The following MAGI1 variants were observed in gnomAD, a reference collection of about 807,000 sequenced individuals.
The protein encoded by MAGI1 is membrane associated guanylate kinase, WW and PDZ domain containing 1.
In MAGI1, 58 loss-of-function variants were observed where a neutral mutation model predicts 139.9. The observed-to-expected ratio is 0.41, with a 90% CI of 0.34 to 0.52. The LOEUF (loss-of-function observed/expected upper bound fraction) is 0.52, where lower values mean the gene tolerates loss of function less well. Among genes scored for constraint, MAGI1 ranks in the 20% least tolerant of loss-of-function variants. The pLI is 0.12. For missense variants in MAGI1, 1,874 were observed against 1,901.6 expected (o/e 0.99, Z 0.27); for synonymous variants, 812 against 737.9 (o/e 1.10, Z -1.63).
intron 1 of MAGI1, among the ~76,000 whole-genome samples, chr3:65,797,722 A>G (rs2040239907): frequency 6.6e-6 from 1 of 152,124 alleles, no homozygotes; most frequent in South Asian, 2.1e-4. Flanking sequence ...TCTCAAAAAA[A>G]AGAAAACAGA....
intron 1 of MAGI1, among the ~76,000 whole-genome samples, chr3:65,757,816 C>T (rs1281957776): frequency 6.6e-6 from 1 of 151,730 alleles, no homozygotes; most frequent in South Asian, 2.1e-4. Context: ...GTACTCATTT[C>T]TGCTTTCTCT....
chr3:65,891,937 T>C (rs1164013269), intron 1 of MAGI1, among the ~76,000 whole-genome samples: 5 of 96,676 alleles, frequency 5.2e-5, no homozygotes, highest in African/African-American at 1.9e-4. Flanking sequence ...TATATATATA[T>C]ATATACCCGT....
At chr3:65,415,006 GAAAAA>G (rs60772625) in intron 12 of MAGI1, among the ~76,000 whole-genome samples, 1 of 105,606 alleles carries the variant, frequency 9.5e-6, no homozygotes, top group South Asian at 2.6e-4. Flanking sequence ...TCCAGCCTGG[GAAAAA>G]AAAAAAAACA....
At chr3:65,678,424 A>G (rs983560441) in intron 1 of MAGI1, among the ~76,000 whole-genome samples, 2 of 152,154 alleles carry the variant, frequency 1.3e-5, no homozygotes, top group African/African-American at 4.8e-5. Context: ...TTAAGTATCT[A>G]CTCTGCAAAC....
At chr3:65,812,468 T>TCA (rs1553711393) in intron 1 of MAGI1, among the ~76,000 whole-genome samples, 1,120 of 89,142 alleles carry the variant, frequency 0.013, 14 homozygotes, top group African/African-American at 0.028. Context: ...TCTCTCTCTC[T>TCA]CACACACACA....
At chr3:65,985,916 A>G (rs1272219554) in intron 1 of MAGI1, among the ~76,000 whole-genome samples, 1 of 152,232 alleles carries the variant, frequency 6.6e-6, no homozygotes, top group Non-Finnish European at 1.5e-5. Context: ...CCATTTGAAC[A>G]TGCTCAGTGA....
intron 1 of MAGI1, among the ~76,000 whole-genome samples, chr3:65,964,009 G>T (rs78389181): frequency 0.064 from 9,721 of 152,278 alleles, 416 homozygotes; most frequent in Middle Eastern, 0.11. Flanking sequence ...AGATTCCTGA[G>T]TCTAGTTCAT....
chr3:65,451,551 A>G (rs1949033633), intron 6 of MAGI1, among the ~76,000 whole-genome samples: 1 of 152,170 alleles, frequency 6.6e-6, no homozygotes, highest in Non-Finnish European at 1.5e-5. Context: ...AGCATTCCTA[A>G]TCCGAAAATC....
At chr3:65,752,097 C>A (rs1371147245) in intron 1 of MAGI1, among the ~76,000 whole-genome samples, 2 of 152,162 alleles carry the variant, frequency 1.3e-5, no homozygotes, top group Non-Finnish European at 2.9e-5. Context: ...GCGCAACTCA[C>A]AAGGCCTGGC....
At chr3:65,401,715 G>A in intron 12 of MAGI1, 1 of 1,501,454 alleles carries the variant, frequency 6.7e-7, no homozygotes, top group Middle Eastern at 1.8e-4. Context: ...GCAGCAGCCT[G>A]GAGGCTGGGA....
In MAGI1 at chr3:65,375,643, T is replaced by G. The variant is rs543509172; in HGVS notation, c.3196+102A>C. 4.2e-5 allele frequency: 42 copies of G among 1,001,442 alleles called. No homozygotes were observed. The South Asian group carries it at 4.4e-4, about 10-fold the overall frequency. 62.0% of individuals were successfully genotyped at this position (1,001,442 alleles called of 1,614,324 possible). A position where few individuals can be genotyped will look rare whatever the true frequency, so the allele number is the denominator to read the frequency against. ...CTGCCACTAAATTAATACTATTCAG[T>G]TACACGAACACTAATCAAAGAGAGA... On this transcript the variant is annotated intron_variant, in intron 18 of 22. Transcript: ENST00000402939.
intron 14 of MAGI1, among the ~76,000 whole-genome samples, chr3:65,388,834 ATTTT>A (rs35579495): frequency 8.7e-5 from 8 of 91,908 alleles, no homozygotes; most frequent in African/African-American, 3.9e-4. Context: ...ACCATTCCGA[ATTTT>A]TTTTTTTTTT....
intron 1 of MAGI1, among the ~76,000 whole-genome samples, chr3:65,623,233 T>TA (rs974963136): frequency 8.6e-5 from 13 of 151,318 alleles, no homozygotes; most frequent in Admixed American, 8.6e-4. Flanking sequence ...TTTCAAACAC[T>TA]AAATGTATGT....
At chr3:65,441,273 A>G (rs1290878294) in intron 8 of MAGI1, among the ~76,000 whole-genome samples, 1 of 152,106 alleles carries the variant, frequency 6.6e-6, no homozygotes, top group Non-Finnish European at 1.5e-5. Flanking sequence ...ATTTTTCTTA[A>G]TTCAAAATAA....
intron 2 of MAGI1, among the ~76,000 whole-genome samples, chr3:65,504,558 G>A (rs1250556969): frequency 6.6e-6 from 1 of 152,138 alleles, no homozygotes; most frequent in Non-Finnish European, 1.5e-5. Flanking sequence ...ATTGGGGAGG[G>A]GTGGGAGGAT....
At chr3:65,840,299 G>A (rs1273648898) in intron 1 of MAGI1, among the ~76,000 whole-genome samples, 2 of 152,040 alleles carry the variant, frequency 1.3e-5, no homozygotes, top group Non-Finnish European at 2.9e-5. Context: ...GTACTATATT[G>A]AATAGCAGTG....
intron 1 of MAGI1, among the ~76,000 whole-genome samples, chr3:65,760,178 C>T (rs1288935310): frequency 1.3e-5 from 2 of 151,844 alleles, no homozygotes; most frequent in South Asian, 2.1e-4. Flanking sequence ...CCTCCTCCTC[C>T]CCGTCCTCCT....
At chr3:65,929,237 T>C (rs1326901318) in intron 1 of MAGI1, among the ~76,000 whole-genome samples, 1 of 152,132 alleles carries the variant, frequency 6.6e-6, no homozygotes, top group African/African-American at 2.4e-5. Context: ...TCTATATACC[T>C]CATTCATCCT....
intron 1 of MAGI1, among the ~76,000 whole-genome samples, chr3:65,926,928 G>C (rs2062556297): frequency 6.6e-6 from 1 of 152,170 alleles, no homozygotes; most frequent in South Asian, 2.1e-4. Context: ...CCAGGAGGCG[G>C]AGTTTGCAGT....
Sources: allele counts gnomAD v4.1 joint callset (sites outside exome capture counted in the v4.1 genomes callset), GRCh38; gene constraint gnomAD v4.1.1; transcripts MANE v1.5; gene names NCBI Gene and HGNC (gene_info 2026-07-23, HGNC 2026-07-21).